Variants in NSG1 observed in about 807,000 individuals in gnomAD.
NSG1 encodes neuronal vesicle trafficking-associated protein 1.
A neutral mutation model predicts 19.3 loss-of-function variants in NSG1; 9 were observed. That is an observed-to-expected ratio of 0.47 (90% CI 0.28 to 0.81). NSG1 has a LOEUF of 0.81. Among genes scored for constraint, NSG1 ranks in the 40% least tolerant of loss-of-function variants. The probability of loss-of-function intolerance (pLI) is 0.11; values close to 1 mark genes in which losing one functional copy is unlikely to be tolerated. For missense variants in NSG1, 236 were observed against 242.4 expected, an observed-to-expected ratio of 0.97 and a Z score of 0.18; for synonymous variants, 104 against 107.0, an observed-to-expected ratio of 0.97 and a Z score of 0.17.
intron 3 of NSG1, among the ~76,000 whole-genome samples, chr4:4,397,068 C>A (rs1429275814): frequency 1.2e-5 from 1 of 86,436 alleles, no homozygotes; most frequent in Non-Finnish European, 2.7e-5. Context: ...TGTATGTATT[C>A]ACTTTTGTGT....
intron 4 of NSG1, among the ~76,000 whole-genome samples, chr4:4,414,539 C>G (rs1724410278): frequency 6.6e-6 from 1 of 152,198 alleles, no homozygotes; most frequent in African/African-American, 2.4e-5. Flanking sequence ...ATGAAGTCCC[C>G]TTGACCTCTT....
intron 3 of NSG1, among the ~76,000 whole-genome samples, chr4:4,406,540 G>A (rs1267409245): frequency 4.6e-5 from 7 of 152,214 alleles, no homozygotes; most frequent in Non-Finnish European, 1.0e-4. Flanking sequence ...CTGGCCCCGG[G>A]TGAACATGCG....
At chr4:4,390,879 G>T (rs113442409) in intron 2 of NSG1, among the ~76,000 whole-genome samples, 33 of 152,218 alleles carry the variant, frequency 2.2e-4, no homozygotes, top group Admixed American at 1.2e-3. Context: ...TTCACAGTAG[G>T]GGGTGGAGGG....
chr4:4,391,579 CGA>C lies in NSG1; in HGVS notation c.238_239del (p.Arg80ValfsTer2). On this transcript the variant is annotated frameshift_variant, in exon 3 of 5. Coordinates refer to ENST00000621129, the MANE Select transcript of NSG1 (RefSeq NM_014392.5). LOFTEE classifies it high-confidence loss of function. ...CCGTCAGCATCACGGAGGGTGTCAC[CGA>C]GAGGTTTAAGGTGAGTGGTCCTGTG... Reference protein sequence around the residue: ...FTVSITEGVTERFKVSVLVLF... With the variant: ...FTVSITEGVTXRFKVSVLVLF... 1 of 1,610,114 alleles carries C rather than the reference CGA, an allele frequency of 6.2e-7. No homozygotes were observed. Among genetic ancestry groups the C allele is most frequent in the Non-Finnish European group, 8.5e-7 (1 of 1,177,970 alleles).
At chr4:4,404,324 T>C (rs9997952) in intron 3 of NSG1, among the ~76,000 whole-genome samples, 43,548 of 152,170 alleles carry the variant, frequency 0.29, 8,732 homozygotes, top group African/African-American at 0.57. Context: ...AGGGTAACAA[T>C]GGCTCACCCA....
intron 3 of NSG1, among the ~76,000 whole-genome samples, chr4:4,395,466 A>C (rs1371307965): frequency 6.6e-6 from 1 of 152,112 alleles, no homozygotes; most frequent in Non-Finnish European, 1.5e-5. Flanking sequence ...TTACCCAGTT[A>C]GATTTCTGGC....
intron 4 of NSG1, among the ~76,000 whole-genome samples, chr4:4,413,382 C>T (rs1011157780): frequency 4.6e-5 from 7 of 151,540 alleles, no homozygotes; most frequent in African/African-American, 1.7e-4. Flanking sequence ...AGCCCCCACC[C>T]TTTCACTCAT....
chr4:4,415,027 A>G (rs754237849), intron 4 of NSG1, among the ~76,000 whole-genome samples: 28 of 152,154 alleles, frequency 1.8e-4, no homozygotes, highest in Non-Finnish European at 4.0e-4. Flanking sequence ...AAAGTGCCCC[A>G]AATCCCACAT....
At chr4:4,388,441 A>G (rs1191744282) in intron 2 of NSG1, among the ~76,000 whole-genome samples, 1 of 152,210 alleles carries the variant, frequency 6.6e-6, no homozygotes, top group Non-Finnish European at 1.5e-5. Context: ...CCTCTTTTTG[A>G]ATGTAGCATC....
chr4:4,414,428 G>T (rs1217478764), intron 4 of NSG1, among the ~76,000 whole-genome samples: 1 of 150,664 alleles, frequency 6.6e-6, no homozygotes, highest in African/African-American at 2.5e-5. Context: ...ATCTAATGAG[G>T]GGGTGTCCTT....
In NSG1 at chr4:4,417,284, A is replaced by C. The variant is rs775154077; in HGVS notation, c.407A>C (p.Asp136Ala). Residue 136 changes from aspartate (D) to alanine (A), a missense_variant, in exon 5 of 5, where the codon GAC becomes GCC. Asp to Ala is a moderately radical substitution (Grantham distance 126). Transcript: ENST00000621129. ...TTGGAGAGCTACTACGCGGAGCAAG[A>C]CTCCAGTGCCCGGGAGAAATTTTAC... ...EGLESYYAEQ[D>A]SSAREKFYTV... 2 of 1,614,018 alleles carry C rather than the reference A, an allele frequency of 1.2e-6. No homozygotes were observed. The highest frequency in any genetic ancestry group is 1.7e-6 in the Non-Finnish European group (2 of 1,180,006).
chr4:4,396,207 CAGAGTGG>C (rs1723239783), intron 3 of NSG1, among the ~76,000 whole-genome samples: 1 of 152,254 alleles, frequency 6.6e-6, no homozygotes, highest in Non-Finnish European at 1.5e-5. Context: ...CTGATGCCTG[CAGAGTGG>C]CGGGTCGGGG....
chr4:4,415,699 G>C (rs909117909), intron 4 of NSG1: 2 of 156,718 alleles, frequency 1.3e-5, no homozygotes, highest in African/African-American at 2.5e-5. Flanking sequence ...GAGCCATCTC[G>C]TATGCCAGCC....
chr4:4,391,731 G>A, intron 3 of NSG1, 140 bp downstream of exon 3: 1 of 481,306 alleles, frequency 2.1e-6, no homozygotes, highest in Admixed American at 3.7e-5. Context: ...CCAGTAGCTT[G>A]TGACTGCCTG....
intron 4 of NSG1, among the ~76,000 whole-genome samples, chr4:4,410,519 C>G (rs1318218001): frequency 6.6e-6 from 1 of 152,224 alleles, no homozygotes; most frequent in Admixed American, 6.5e-5. Flanking sequence ...TCCTAGGCCA[C>G]AAACCTGGAC....
intron 4 of NSG1, among the ~76,000 whole-genome samples, chr4:4,413,841 G>A (rs556420205): frequency 4.6e-5 from 7 of 152,094 alleles, no homozygotes; most frequent in Admixed American, 1.3e-4. Flanking sequence ...AGACTGGGGC[G>A]CTGGGGATGG....
At chr4:4,414,595 G>C (rs1724413207) in intron 4 of NSG1, among the ~76,000 whole-genome samples, 1 of 152,188 alleles carries the variant, frequency 6.6e-6, no homozygotes, top group African/African-American at 2.4e-5. Flanking sequence ...ACGCTAGGCA[G>C]CTTGTGTGGG....
chr4:4,410,159 G>C (rs1724096315), intron 4 of NSG1, among the ~76,000 whole-genome samples: 1 of 152,182 alleles, frequency 6.6e-6, no homozygotes, highest in Non-Finnish European at 1.5e-5. Context: ...GGGCTGGGGG[G>C]CACACCCACC....
At chr4:4,404,588 C>T (rs1399818622) in intron 3 of NSG1, among the ~76,000 whole-genome samples, 3 of 152,188 alleles carry the variant, frequency 2.0e-5, no homozygotes, top group African/African-American at 4.8e-5. Context: ...GGTCGTGGTT[C>T]TCCAAGATGC....
Sources: gnomAD v4.1 joint callset for allele counts (sites outside exome capture counted in the v4.1 genomes callset) on GRCh38, gnomAD v4.1.1 for gene constraint, MANE v1.5 for transcripts, NCBI Gene and HGNC (gene_info 2026-07-23, HGNC 2026-07-21) for gene names.